Variants in PLPPR5 observed in about 807,000 individuals in gnomAD.
PLPPR5 encodes the protein phospholipid phosphatase related 5, also known as phospholipid phosphatase-related protein type 5.
In PLPPR5, 16 loss-of-function variants were observed where a neutral mutation model predicts 33.9. That is an observed-to-expected ratio of 0.47 (90% CI 0.32 to 0.72). The LOEUF is 0.72. Among genes scored for constraint, PLPPR5 ranks in the 30% least tolerant of loss-of-function variants. PLPPR5 has a pLI of 0.03. For synonymous variants in PLPPR5, 163 were observed against 150.3 expected (o/e 1.08, Z -0.62); for missense variants, 301 against 406.7 (o/e 0.74, Z 2.23).
intron 1 of PLPPR5, among the ~76,000 whole-genome samples, chr1:98,972,065 T>C (rs1428350012): frequency 6.6e-6 from 1 of 151,974 alleles, no homozygotes; most frequent in Non-Finnish European, 1.5e-5. Flanking sequence ...ATGAGTGGTG[T>C]TGGGCCCAAA....
At chr1:98,965,282 C>A (rs1385221435) in intron 1 of PLPPR5, among the ~76,000 whole-genome samples, 1 of 152,130 alleles carries the variant, frequency 6.6e-6, no homozygotes, top group African/African-American at 2.4e-5. Context: ...CCTTCTCAAA[C>A]TTGAGTATCA....
chr1:98,922,923 T>A (rs981017695), intron 3 of PLPPR5, among the ~76,000 whole-genome samples: 4 of 151,988 alleles, frequency 2.6e-5, no homozygotes, highest in Non-Finnish European at 5.9e-5. Flanking sequence ...AGGCGGAGCT[T>A]GCAGTGAGCT....
chr1:98,979,074 C>T (rs575429288), intron 1 of PLPPR5, among the ~76,000 whole-genome samples: 7 of 152,104 alleles, frequency 4.6e-5, no homozygotes, highest in East Asian at 1.9e-4. Context: ...CTCATTTATA[C>T]GTAAAACAGT....
chr1:99,004,724 G>A lies in PLPPR5; in HGVS notation c.-53C>T. On this transcript the variant is annotated 5_prime_UTR_variant, in exon 1 of 6. Coordinates refer to ENST00000263177, the MANE Select transcript of PLPPR5 (RefSeq NM_001037317.2). ...AGCCGAGCGGGCGGTCGACGCGGTG[G>A]GCCCCCTCCCCGGTCCGCCGAGGCA... The A allele has an allele frequency of 1.6e-6, 2 of 1,261,602 alleles. No individual in the cohort carries two copies. Among genetic ancestry groups the A allele is most frequent in the Non-Finnish European group, 2.1e-6 (2 of 972,426 alleles). 78.2% of individuals were successfully genotyped at this position (1,261,602 alleles called of 1,614,324 possible). A position where few individuals can be genotyped will look rare whatever the true frequency, so the allele number is the denominator to read the frequency against.
intron 3 of PLPPR5, among the ~76,000 whole-genome samples, chr1:98,933,153 A>G (rs1215741729): frequency 3.9e-5 from 6 of 152,094 alleles, no homozygotes; most frequent in South Asian, 2.1e-4. Flanking sequence ...AGGGACAAAC[A>G]AAACAAAAAT....
At chr1:98,960,006 A>G (rs1238093484) in intron 1 of PLPPR5, among the ~76,000 whole-genome samples, 1 of 151,886 alleles carries the variant, frequency 6.6e-6, no homozygotes, top group Non-Finnish European at 1.5e-5. Context: ...CTTGGACTTC[A>G]TCTCATCAAA....
intron 3 of PLPPR5, among the ~76,000 whole-genome samples, chr1:98,927,851 T>C (rs1649822513): frequency 6.6e-6 from 1 of 152,174 alleles, no homozygotes; most frequent in African/African-American, 2.4e-5. Flanking sequence ...GTTGGTGGTA[T>C]CACCCTTTAT....
At chr1:98,955,681 T>C (rs1015930877) in intron 2 of PLPPR5, among the ~76,000 whole-genome samples, 2 of 152,092 alleles carry the variant, frequency 1.3e-5, no homozygotes, top group Non-Finnish European at 2.9e-5. Context: ...AGGTGATCTA[T>C]GCATAATATC....
At chr1:98,971,765 C>T (rs2100743987) in intron 1 of PLPPR5, among the ~76,000 whole-genome samples, 1 of 152,152 alleles carries the variant, frequency 6.6e-6, no homozygotes, top group Middle Eastern at 3.4e-3. Context: ...AGCAGCAATG[C>T]CCAGTGAAAT....
At chr1:98,906,270 C>A in intron 5 of PLPPR5, among the ~76,000 whole-genome samples, 1 of 149,354 alleles carries the variant, frequency 6.7e-6, no homozygotes, top group Non-Finnish European at 1.5e-5. Flanking sequence ...TATAGTATTA[C>A]CTAGTACTAT....
intron 1 of PLPPR5, among the ~76,000 whole-genome samples, chr1:98,991,813 G>A (rs1332355971): frequency 6.6e-6 from 1 of 152,100 alleles, no homozygotes; most frequent in African/African-American, 2.4e-5. Flanking sequence ...TGTCCCAGTT[G>A]GAGTTCAAAC....
At chr1:98,929,718 T>C (rs1315380010) in intron 3 of PLPPR5, among the ~76,000 whole-genome samples, 1 of 152,194 alleles carries the variant, frequency 6.6e-6, no homozygotes, top group Non-Finnish European at 1.5e-5. Flanking sequence ...TGGCTGATAT[T>C]ACATGGAGAC....
At chr1:98,931,018 A>G (rs1649947175) in intron 3 of PLPPR5, among the ~76,000 whole-genome samples, 1 of 152,156 alleles carries the variant, frequency 6.6e-6, no homozygotes, top group South Asian at 2.1e-4. Flanking sequence ...AGGCATGTTA[A>G]GTTATCAAAG....
intron 3 of PLPPR5, among the ~76,000 whole-genome samples, chr1:98,924,408 G>A (rs1265712270): frequency 6.6e-6 from 1 of 152,094 alleles, no homozygotes. Context: ...TTTCTTGCCT[G>A]GAGGAAATGG....
intron 3 of PLPPR5, among the ~76,000 whole-genome samples, chr1:98,924,983 C>A (rs536987920): frequency 2.6e-5 from 4 of 152,168 alleles, no homozygotes; most frequent in Admixed American, 6.5e-5. Context: ...GCAGAATAAT[C>A]AGTTGGCATG....
chr1:99,002,565 G>A (rs932725563), intron 1 of PLPPR5, among the ~76,000 whole-genome samples: 6 of 151,940 alleles, frequency 3.9e-5, no homozygotes, highest in Non-Finnish European at 5.9e-5. Context: ...AGAAATATAC[G>A]TGACTATGAC....
intron 1 of PLPPR5, among the ~76,000 whole-genome samples, chr1:98,965,261 C>T (rs1461687091): frequency 6.6e-6 from 1 of 152,120 alleles, no homozygotes; most frequent in Non-Finnish European, 1.5e-5. Flanking sequence ...GCCTTGCACC[C>T]CACTGACAGA....
At chr1:99,004,395 T>A (rs1652986397) in intron 1 of PLPPR5, 40 bp downstream of exon 1, 1 of 1,526,218 alleles carries the variant, frequency 6.6e-7, no homozygotes, top group African/African-American at 1.4e-5. Context: ...AGGGGCGAGA[T>A]CAGGGACTCG....
chr1:98,926,360 T>A (rs915252568), intron 3 of PLPPR5, among the ~76,000 whole-genome samples: 2 of 152,098 alleles, frequency 1.3e-5, no homozygotes, highest in African/African-American at 4.8e-5. Context: ...TATCTCATAG[T>A]CAAGTTAGGA....
Sources: gnomAD v4.1 joint callset for allele counts (sites outside exome capture counted in the v4.1 genomes callset) on GRCh38, gnomAD v4.1.1 for gene constraint, MANE v1.5 for transcripts, NCBI Gene and HGNC (gene_info 2026-07-23, HGNC 2026-07-21) for gene names.